Variants in KIF6 observed in about 807,000 individuals in gnomAD.
KIF6 encodes the protein kinesin-like protein KIF6.
A neutral mutation model predicts 112.7 loss-of-function variants in KIF6; 106 were observed. The observed-to-expected ratio is 0.94, with a 90% confidence interval of 0.80 to 1.11. The LOEUF is 1.11. Among genes scored for constraint, KIF6 ranks in the 50% least tolerant of loss-of-function variants. The pLI is 0.00. For synonymous variants in KIF6, 339 were observed against 339.9 expected, an observed-to-expected ratio of 1.00 and a Z score of 0.03; for missense variants, 929 against 964.0, an observed-to-expected ratio of 0.96 and a Z score of 0.48.
intron 16 of KIF6, among the ~76,000 whole-genome samples, chr6:39,369,073 G>A (rs982904551): frequency 6.6e-6 from 1 of 152,230 alleles, no homozygotes; most frequent in Non-Finnish European, 1.5e-5. Flanking sequence ...GCCTCACCTT[G>A]TTTGAGAAGA....
At chr6:39,447,637 A>G (rs1772413135) in intron 13 of KIF6, among the ~76,000 whole-genome samples, 2 of 141,662 alleles carry the variant, frequency 1.4e-5, no homozygotes, top group South Asian at 4.5e-4. Context: ...GAACACTTAG[A>G]CACTTGGGGG....
chr6:39,541,346 T>G (rs981414280), intron 12 of KIF6, among the ~76,000 whole-genome samples: 3 of 152,198 alleles, frequency 2.0e-5, no homozygotes, highest in Admixed American at 6.5e-5. Flanking sequence ...CAACATGTAC[T>G]TACCAAAAAT....
chr6:39,414,566 C>T (rs192792246), intron 15 of KIF6, among the ~76,000 whole-genome samples: 1 of 152,276 alleles, frequency 6.6e-6, no homozygotes, highest in African/African-American at 2.4e-5. Flanking sequence ...GACTTCAGCC[C>T]CACTCACTGC....
intron 18 of KIF6, among the ~76,000 whole-genome samples, 195 bp downstream of exon 18, chr6:39,360,200 T>C (rs1173816397): frequency 6.6e-6 from 1 of 152,232 alleles, no homozygotes; most frequent in Non-Finnish European, 1.5e-5. Context: ...GGCAGAATTT[T>C]AGGCATGACA....
At chr6:39,470,191 G>A (rs935754771) in intron 13 of KIF6, among the ~76,000 whole-genome samples, 1 of 152,178 alleles carries the variant, frequency 6.6e-6, no homozygotes, top group African/African-American at 2.4e-5. Context: ...GGATATCAGG[G>A]CACAGTCAGG....
intron 20 of KIF6, among the ~76,000 whole-genome samples, chr6:39,346,079 TCTCTCTCCC>T (rs1763716601): frequency 1.9e-4 from 4 of 21,336 alleles, no homozygotes; most frequent in African/African-American, 4.1e-4. Context: ...TCTCTCTCTC[TCTCTCTCCC>T]CCCCCTCTCC....
chr6:39,663,288 C>A (rs887722549), intron 3 of KIF6, among the ~76,000 whole-genome samples: 2 of 152,122 alleles, frequency 1.3e-5, no homozygotes, highest in Non-Finnish European at 2.9e-5. Flanking sequence ...AACAAGATTT[C>A]CAAGGGACAC....
intron 2 of KIF6, among the ~76,000 whole-genome samples, chr6:39,715,845 G>T (rs1789818956): frequency 6.6e-6 from 1 of 152,144 alleles, no homozygotes; most frequent in Non-Finnish European, 1.5e-5. Context: ...TGCCCAGATT[G>T]CTTCTCAAAA....
Position 39,533,524 on chromosome 6 carries a change from G to A in KIF6, c.1645+6479C>T, listed in dbSNP as rs1483997782. Among the ~76,000 whole-genome samples, 7 of 152,216 alleles carry A rather than the reference G, an allele frequency of 4.6e-5. No homozygotes were observed. The East Asian group carries it at 9.6e-4, about 21-fold the overall frequency. On this transcript the variant is annotated intron_variant, in intron 13 of 22. Coordinates refer to ENST00000287152, the MANE Select transcript of KIF6 (RefSeq NM_145027.6). ...AGCAGCCGGGAAGCTTGAACTGGGT[G>A]GAGCCCACCACAGTTCAAGGAGGCC...
At chr6:39,448,597 A>G (rs1381957081) in intron 13 of KIF6, among the ~76,000 whole-genome samples, 1 of 152,026 alleles carries the variant, frequency 6.6e-6, no homozygotes, top group Non-Finnish European at 1.5e-5. Flanking sequence ...TGCCTGAAGC[A>G]CTTCCTTCCC....
At chr6:39,571,410 G>A (rs1197796474) in intron 10 of KIF6, among the ~76,000 whole-genome samples, 1 of 152,070 alleles carries the variant, frequency 6.6e-6, no homozygotes, top group Non-Finnish European at 1.5e-5. Context: ...TTCTTTCATG[G>A]TCACCCTGCT....
At chr6:39,532,245 A>G (rs1288119455) in intron 13 of KIF6, among the ~76,000 whole-genome samples, 1 of 152,172 alleles carries the variant, frequency 6.6e-6, no homozygotes. Flanking sequence ...GGAATAAAAC[A>G]AGAACTTATA....
In KIF6 at chr6:39,707,943, C is replaced by T. The variant is rs1326758541; in HGVS notation, c.251+6749G>A. 2.0e-5 allele frequency among the ~76,000 whole-genome samples: 3 copies of T among 152,066 alleles called. No homozygotes were observed. The South Asian group carries it at 6.2e-4, about 32-fold the overall frequency. On this transcript the variant is annotated intron_variant, in intron 3 of 22. Coordinates refer to ENST00000287152, the MANE Select transcript of KIF6 (RefSeq NM_145027.6). The stretch of plus-strand genomic sequence containing the variant: ...AGAATTGGATTATTTGACTTGATGC[C>T]AAATATTTTGAGCCAGAAAAGGTAA...
intron 17 of KIF6, 129 bp from the exon 18 acceptor site, chr6:39,360,659 A>G: frequency 9.8e-7 from 1 of 1,021,992 alleles, no homozygotes; most frequent in South Asian, 1.5e-5. Flanking sequence ...AGGGACTGGG[A>G]CCCTATAGGA....
At chr6:39,453,522 T>C (rs1308914893) in intron 13 of KIF6, among the ~76,000 whole-genome samples, 1 of 152,238 alleles carries the variant, frequency 6.6e-6, no homozygotes, top group Non-Finnish European at 1.5e-5. Flanking sequence ...TTCAATTTAA[T>C]ACTGCTTTTC....
chr6:39,411,463 C>T (rs759116944), intron 15 of KIF6, among the ~76,000 whole-genome samples: 4 of 152,222 alleles, frequency 2.6e-5, no homozygotes, highest in Non-Finnish European at 4.4e-5. Flanking sequence ...GTGATTGTTT[C>T]TGTGACCCCA....
At chr6:39,429,709 C>T (rs112679525) in intron 14 of KIF6, among the ~76,000 whole-genome samples, 2 of 152,136 alleles carry the variant, frequency 1.3e-5, no homozygotes, top group Admixed American at 1.3e-4. Flanking sequence ...GCAGATGAGA[C>T]CATCGTGGCT....
chr6:39,524,781 T>C (rs1215238075), intron 13 of KIF6, among the ~76,000 whole-genome samples: 1 of 152,198 alleles, frequency 6.6e-6, no homozygotes, highest in Non-Finnish European at 1.5e-5. Context: ...TAAGTCCTGC[T>C]CCTGTCCTCT....
At chr6:39,435,823 T>A (rs1440354423) in intron 13 of KIF6, among the ~76,000 whole-genome samples, 1 of 152,216 alleles carries the variant, frequency 6.6e-6, no homozygotes, top group Non-Finnish European at 1.5e-5. Context: ...GTGATAAACA[T>A]ATGCATCCAG....
Sources: allele counts gnomAD v4.1 joint callset (sites outside exome capture counted in the v4.1 genomes callset), GRCh38; gene constraint gnomAD v4.1.1; transcripts MANE v1.5; gene names NCBI Gene and HGNC (gene_info 2026-07-23, HGNC 2026-07-21).